SMARCC1: variants seen among roughly 807,000 people sequenced by gnomAD.
SMARCC1 encodes SWI/SNF complex subunit SMARCC1.
A neutral mutation model predicts 147.4 loss-of-function variants in SMARCC1; 43 were observed. The ratio of observed to expected loss-of-function variants is 0.29; its 90% CI spans 0.23 to 0.38. SMARCC1 has a LOEUF of 0.38. SMARCC1 is among the 10% of genes least tolerant of loss of function. The pLI, the probability that SMARCC1 is intolerant of heterozygous loss-of-function variation, is 1.00. For missense variants in SMARCC1, 1,119 were observed against 1,381.1 expected (o/e 0.81, Z 3.01); for synonymous variants, 495 against 484.4 (o/e 1.02, Z -0.29).
chr3:47,684,800 C>T (rs986682549), intron 14 of SMARCC1, among the ~76,000 whole-genome samples: 1 of 152,016 alleles, frequency 6.6e-6, no homozygotes, highest in Non-Finnish European at 1.5e-5. Flanking sequence ...TGTTCCAAGA[C>T]CCCCAATGGA....
intron 5 of SMARCC1, among the ~76,000 whole-genome samples, chr3:47,729,417 C>G (rs1188968985): frequency 1.3e-5 from 2 of 152,138 alleles, no homozygotes; most frequent in African/African-American, 4.8e-5. Context: ...GAGTCTTGCT[C>G]TGTCACCCAG....
At chr3:47,655,878 T>G (rs972149035) in intron 21 of SMARCC1, among the ~76,000 whole-genome samples, 1 of 152,084 alleles carries the variant, frequency 6.6e-6, no homozygotes, top group Non-Finnish European at 1.5e-5. Flanking sequence ...AAAATATTAA[T>G]GAACAATGTA....
At position 47,776,154 on chromosome 3, in the gene SMARCC1, GA is replaced by G. The variant is rs879878989; in HGVS notation, c.196-3219del. On this transcript the variant is annotated intron_variant, in intron 1 of 27. Transcript: ENST00000254480. ...CAAAGCGAGACTCCGTCTCAAACGA[GA>G]AAAAAAAAAATACTTCAAGTGTATC... Among the ~76,000 whole-genome samples the G allele has an allele frequency of 4.6e-3, 667 of 143,522 alleles. 6 individuals carry two copies. The highest frequency in any genetic ancestry group is 0.015 in the African/African-American group (589 of 39,386). 94.2% of individuals were successfully genotyped at this position (143,522 alleles called of 152,430 possible). A position where few individuals can be genotyped will look rare whatever the true frequency, so the allele number is the denominator to read the frequency against.
chr3:47,723,355 GTTTTTTTTTT>G (rs71070218), intron 6 of SMARCC1, among the ~76,000 whole-genome samples: 4 of 106,668 alleles, frequency 3.7e-5, no homozygotes, highest in Admixed American at 3.4e-4. Flanking sequence ...TTTTTGTTGG[GTTTTTTTTTT>G]TTTTTTTTTT....
intron 1 of SMARCC1, among the ~76,000 whole-genome samples, chr3:47,780,340 T>A (rs2035031746): frequency 6.6e-6 from 1 of 151,846 alleles, no homozygotes; most frequent in South Asian, 2.1e-4. Context: ...CCCGACTAAT[T>A]TTGTATTTTT....
Position 47,710,720 on chromosome 3 carries a change from A to T in SMARCC1, c.881T>A (p.Val294Glu), listed in dbSNP as rs773113819. Residue 294 changes from valine (V) to glutamate (E), a missense_variant, in exon 9 of 28, where the codon GTG (valine) becomes GAG (glutamate). Coordinates refer to ENST00000254480, the MANE Select transcript of SMARCC1 (RefSeq NM_003074.4). Reference protein sequence around the residue: ...DYEVDENRKPVSFRQRISTKN... With the variant: ...DYEVDENRKPESFRQRISTKN... ...GGTTGAAATCCGCTGACGAAAACTC[A>T]CAGGCTTCCTATTTTCATCCACCTC... The T allele has an allele frequency of 1.2e-6, 2 of 1,613,656 alleles. No homozygotes were observed.
chr3:47,630,115 G>C (rs1191988866), intron 24 of SMARCC1, among the ~76,000 whole-genome samples: 2 of 129,732 alleles, frequency 1.5e-5, no homozygotes, highest in Non-Finnish European at 3.1e-5. Flanking sequence ...TTGGCAGCAG[G>C]CACCAGTTTC....
rs114921242 is a variant in SMARCC1, at chr3:47,632,082, C to T, written c.2646+3108G>A. On this transcript the variant is annotated intron_variant, in intron 24 of 27. Coordinates refer to ENST00000254480, the MANE Select transcript of SMARCC1 (RefSeq NM_003074.4). Reference sequence around the variant, plus strand: ...TGACGAGGGAGTGAAAGTTCAATGACCTGGAGAGAAATTCTTCTTTGGACA... The same window carrying T: ...TGACGAGGGAGTGAAAGTTCAATGATCTGGAGAGAAATTCTTCTTTGGACA... Among the ~76,000 whole-genome samples the T allele has an allele frequency of 4.1e-3, 620 of 152,240 alleles. 5 individuals are homozygous for T. Among genetic ancestry groups the T allele is most frequent in the African/African-American group, 0.013 (548 of 41,542 alleles).
intron 5 of SMARCC1, among the ~76,000 whole-genome samples, chr3:47,734,376 G>A (rs538265035): frequency 9.2e-5 from 14 of 152,206 alleles, no homozygotes; most frequent in African/African-American, 3.1e-4. Context: ...TATATAAGAG[G>A]AAGAATGTAC....
At position 47,675,565 on chromosome 3, in the gene SMARCC1, T is replaced by G; in HGVS notation, c.1749A>C (p.Leu583=). The G allele has an allele frequency of 6.2e-7, 1 of 1,608,526 alleles. No individual in the cohort carries two copies. The highest frequency in any genetic ancestry group is 8.5e-7 in the Non-Finnish European group (1 of 1,174,888). Residue 583 remains leucine (L), a synonymous_variant, in exon 18 of 28, where the codon CTA becomes CTC. Coordinates refer to ENST00000254480, the MANE Select transcript of SMARCC1 (RefSeq NM_003074.4). ...TTTCCTTGTTTTTCTCAGGAAAATTTAGCATCTGTTGAGCAGCAGGAACCT... is the reference window on the plus strand; with the variant it reads ...TTTCCTTGTTTTTCTCAGGAAAATTGAGCATCTGTTGAGCAGCAGGAACCT... ...SPQVPAAQQM[L]NFPEKNKEKP...
In SMARCC1 at chr3:47,749,756, G is replaced by GAGAC. The variant is rs1164162389; in HGVS notation, c.316-3764_316-3763insGTCT. Among the ~76,000 whole-genome samples, 3 of 135,344 alleles carry GAGAC rather than the reference G, an allele frequency of 2.2e-5. No homozygotes were observed. In the Admixed American group the frequency reaches 2.4e-4, roughly 11 times the overall value. 88.8% of individuals were successfully genotyped at this position (135,344 alleles called of 152,430 possible). On this transcript the variant is annotated intron_variant, in intron 2 of 27. Transcript: ENST00000254480. ...AGAGACAGAGAGAGAGAGAGAGAGA[G>GAGAC]AGAGAGAGAGGTGGCGGGGAGAGGG...
chr3:47,695,148 G>A (rs944719854), intron 11 of SMARCC1, among the ~76,000 whole-genome samples: 1 of 152,146 alleles, frequency 6.6e-6, no homozygotes, highest in East Asian at 1.9e-4. Context: ...ATTAAGTCAG[G>A]AGGATAGGCC....
In SMARCC1 at chr3:47,745,961, G is replaced by T. The variant is rs185316600; in HGVS notation, c.348C>A (p.Gly116=). ...CAGCCCCAAGAATGTGACATAAGGC[G>T]CCTCCAGCTTTGAAATCCATGAAAC... ...AKCFMDFKAG[G]ALCHILGAAY... is the part of the protein sequence containing the mutation. The change falls in exon 3 of 28, where the codon GGC becomes GGA. Residue 116 remains glycine, a synonymous_variant. Transcript: ENST00000254480. The T allele has an allele frequency of 3.8e-6, 6 of 1,583,392 alleles. No individual in the cohort carries two copies. The highest frequency in any genetic ancestry group is 5.1e-6 in the Non-Finnish European group (6 of 1,169,404).
chr3:47,746,340 G>A (rs1461068006), intron 2 of SMARCC1: 2 of 164,310 alleles, frequency 1.2e-5, no homozygotes, highest in Non-Finnish European at 2.6e-5. Context: ...ATCCTATCCA[G>A]GAGGCTGGGG....
intron 26 of SMARCC1, among the ~76,000 whole-genome samples, chr3:47,609,605 G>T (rs2032533715): frequency 1.3e-5 from 2 of 152,072 alleles, no homozygotes; most frequent in African/African-American, 4.8e-5. Context: ...TGATAATTTT[G>T]AAGCTGTCCA....
intron 6 of SMARCC1, among the ~76,000 whole-genome samples, chr3:47,724,011 A>G (rs919604600): frequency 4.6e-5 from 7 of 152,186 alleles, no homozygotes; most frequent in African/African-American, 1.7e-4. Flanking sequence ...ACAGAAAATA[A>G]AAAGTGTTAA....
chr3:47,683,305 A>G (rs2033678311), intron 14 of SMARCC1, among the ~76,000 whole-genome samples: 1 of 151,524 alleles, frequency 6.6e-6, no homozygotes, highest in Non-Finnish European at 1.5e-5. Context: ...CTTGGCCTCC[A>G]AAAGTGCTGG....
chr3:47,764,397 G>A (rs1373575908), intron 2 of SMARCC1, among the ~76,000 whole-genome samples: 5 of 151,622 alleles, frequency 3.3e-5, no homozygotes, highest in African/African-American at 4.8e-5. Context: ...CACATTACAG[G>A]GAGAGAGAGA....
At chr3:47,686,286 GATATTTGAAAAACAAATTTCA>G (rs1315804418) in intron 13 of SMARCC1, 116 bp from the exon 14 acceptor site, 4 of 809,416 alleles carry the variant, frequency 4.9e-6, no homozygotes, top group African/African-American at 1.7e-5. Context: ...GATTCGATCA[GATATTTGAAAAACAAATTTCA>G]AGTAAAAACA....
Sources: allele counts gnomAD v4.1 joint callset (sites outside exome capture counted in the v4.1 genomes callset), GRCh38; gene constraint gnomAD v4.1.1; transcripts MANE v1.5; gene names NCBI Gene and HGNC (gene_info 2026-07-23, HGNC 2026-07-21).